NKAIN3: variants seen among roughly 807,000 people sequenced by gnomAD.
The protein encoded by NKAIN3 is sodium/potassium-transporting ATPase subunit beta-1-interacting protein 3.
NKAIN3 carries 25 observed loss-of-function variants against 30.2 expected under a neutral mutation model. The observed-to-expected ratio is 0.83, with a 90% CI of 0.60 to 1.16. The LOEUF is 1.16. Among genes scored for constraint, NKAIN3 ranks in the 50% most tolerant of loss-of-function variants. The pLI, the probability that NKAIN3 is intolerant of heterozygous loss-of-function variation, is 0.00. For synonymous variants in NKAIN3, 91 were observed against 89.6 expected, an observed-to-expected ratio of 1.02 and a Z score of -0.09; for missense variants, 225 against 254.1, an observed-to-expected ratio of 0.89 and a Z score of 0.78.
chr8:62,304,469 G>A (rs1182722452), intron 1 of NKAIN3, among the ~76,000 whole-genome samples: 1 of 150,254 alleles, frequency 6.7e-6, no homozygotes, highest in Non-Finnish European at 1.5e-5. Flanking sequence ...ACATTTTGGG[G>A]GAATAATGTG....
In NKAIN3 at chr8:62,805,543, A is replaced by C. The variant is rs1404753313; in HGVS notation, c.471+58414A>C. On this transcript the variant is annotated intron_variant, in intron 4 of 6. Transcript: ENST00000623646. ...CTTTGACAAACCTGAGAAAAACAAG[A>C]AATGGGGAAAGGATTCCCTATTTAA... Among the ~76,000 whole-genome samples the C allele has an allele frequency of 5.4e-3, 818 of 152,162 alleles. 5 individuals are homozygous for C. The highest frequency in any genetic ancestry group is 0.017 in the African/African-American group (702 of 41,526).
intron 5 of NKAIN3, among the ~76,000 whole-genome samples, chr8:62,994,675 T>A (rs1362215120): frequency 2.6e-5 from 4 of 152,196 alleles, no homozygotes; most frequent in Admixed American, 2.6e-4. Context: ...AGAAGGAGCA[T>A]CTCCTTGAAG....
intron 3 of NKAIN3, among the ~76,000 whole-genome samples, chr8:62,704,234 A>C (rs1292873778): frequency 6.6e-6 from 1 of 151,954 alleles, no homozygotes; most frequent in Non-Finnish European, 1.5e-5. Context: ...GTATTTTCTA[A>C]ACTTTCTAAA....
At chr8:62,686,900 A>T (rs1030601536) in intron 3 of NKAIN3, among the ~76,000 whole-genome samples, 4 of 152,236 alleles carry the variant, frequency 2.6e-5, no homozygotes, top group African/African-American at 7.2e-5. Context: ...TAGAGATGTC[A>T]TCTGTATGAC....
intron 4 of NKAIN3, among the ~76,000 whole-genome samples, chr8:62,774,997 T>A (rs114240093): frequency 0.01 from 1,547 of 152,246 alleles, 27 homozygotes; most frequent in African/African-American, 0.034. Flanking sequence ...CTTCTTTAAA[T>A]GGTTGGTAAA....
At chr8:62,640,319 C>A (rs2130297138) in intron 3 of NKAIN3, among the ~76,000 whole-genome samples, 1 of 152,176 alleles carries the variant, frequency 6.6e-6, no homozygotes, top group Middle Eastern at 3.4e-3. Context: ...CTCATGAGAT[C>A]TGATGGTTTT....
At chr8:62,585,409 T>C (rs1174193998) in intron 2 of NKAIN3, among the ~76,000 whole-genome samples, 1 of 152,214 alleles carries the variant, frequency 6.6e-6, no homozygotes, top group Admixed American at 6.5e-5. Flanking sequence ...ATAGTACTCC[T>C]TTACTCATGA....
chr8:62,648,259 GA>G (rs1383668346), intron 3 of NKAIN3, among the ~76,000 whole-genome samples: 1 of 152,220 alleles, frequency 6.6e-6, no homozygotes, highest in East Asian at 1.9e-4. Flanking sequence ...CTGGGATAGA[GA>G]TGGAGATCTG....
intron 1 of NKAIN3, among the ~76,000 whole-genome samples, chr8:62,419,108 G>GGACT (rs1404134675): frequency 2.6e-5 from 4 of 152,084 alleles, no homozygotes; most frequent in Non-Finnish European, 5.9e-5. Flanking sequence ...AAGGGACGTA[G>GGACT]GACTATATAC....
chr8:62,318,103 C>T (rs1469408862), intron 1 of NKAIN3, among the ~76,000 whole-genome samples: 1 of 152,092 alleles, frequency 6.6e-6, no homozygotes, highest in Admixed American at 6.6e-5. Context: ...TATAAGAATG[C>T]TTGTGATTTT....
intron 2 of NKAIN3, among the ~76,000 whole-genome samples, chr8:62,585,767 A>G (rs1344039253): frequency 6.6e-6 from 1 of 152,052 alleles, no homozygotes; most frequent in Non-Finnish European, 1.5e-5. Context: ...TTGCGTTTTG[A>G]ATGGGCCTTA....
intron 5 of NKAIN3, among the ~76,000 whole-genome samples, chr8:62,922,564 T>C (rs1822313096): frequency 6.6e-6 from 1 of 152,102 alleles, no homozygotes; most frequent in African/African-American, 2.4e-5. Context: ...GTCCATTGTT[T>C]TGCACCCCTA....
chr8:62,617,129 G>A (rs1458625145), intron 3 of NKAIN3, among the ~76,000 whole-genome samples: 1 of 152,152 alleles, frequency 6.6e-6, no homozygotes, highest in Non-Finnish European at 1.5e-5. Context: ...ATCCTCAGAA[G>A]CTGAGTAAAT....
chr8:62,780,252 A>G (rs577663582), intron 4 of NKAIN3, among the ~76,000 whole-genome samples: 2 of 152,300 alleles, frequency 1.3e-5, no homozygotes, highest in Admixed American at 1.3e-4. Context: ...AAGAAGTAGA[A>G]AACCTGAACA....
At chr8:62,609,787 G>A (rs1198408686) in intron 3 of NKAIN3, among the ~76,000 whole-genome samples, 1 of 152,134 alleles carries the variant, frequency 6.6e-6, no homozygotes, top group Non-Finnish European at 1.5e-5. Context: ...ATAGGAACAT[G>A]TTTGGCATGC....
At chr8:62,845,285 T>TTATATATATATA (rs10525699) in intron 4 of NKAIN3, among the ~76,000 whole-genome samples, 11,086 of 67,994 alleles carry the variant, frequency 0.16, 1,811 homozygotes, top group Non-Finnish European at 0.24. Flanking sequence ...GGATAGTAGA[T>TTATATATATATA]TATATATATA....
intron 3 of NKAIN3, among the ~76,000 whole-genome samples, chr8:62,673,914 C>T (rs1301575653): frequency 1.3e-5 from 2 of 152,188 alleles, no homozygotes; most frequent in Non-Finnish European, 2.9e-5. Flanking sequence ...ATGTGTTGCT[C>T]TCTGGTTTAA....
At chr8:62,531,608 A>AG (rs1156914001) in intron 1 of NKAIN3, among the ~76,000 whole-genome samples, 1 of 152,208 alleles carries the variant, frequency 6.6e-6, no homozygotes, top group Non-Finnish European at 1.5e-5. Context: ...CTTCAAGGGC[A>AG]GGGACATGCT....
At chr8:62,556,924 G>A (rs1809415570) in intron 1 of NKAIN3, among the ~76,000 whole-genome samples, 1 of 152,012 alleles carries the variant, frequency 6.6e-6, no homozygotes, top group Non-Finnish European at 1.5e-5. Context: ...CTTAAAAGTT[G>A]CAAAATATAC....
Sources: gnomAD v4.1 joint callset for allele counts (sites outside exome capture counted in the v4.1 genomes callset) on GRCh38, gnomAD v4.1.1 for gene constraint, MANE v1.5 for transcripts, NCBI Gene and HGNC (gene_info 2026-07-23, HGNC 2026-07-21) for gene names.